The following C12orf75 variants were observed in gnomAD, a reference collection of about 807,000 sequenced individuals.
The protein encoded by C12orf75 is overexpressed in colon carcinoma 1 protein.
Under a neutral mutation model 11.4 loss-of-function variants are expected in C12orf75, and 4 were observed. That is an observed-to-expected ratio of 0.35 (90% CI 0.17 to 0.80). C12orf75 has a LOEUF of 0.80. Among genes scored for constraint, C12orf75 ranks in the 30% least tolerant of loss-of-function variants. The pLI, the probability that C12orf75 is intolerant of heterozygous loss-of-function variation, is 0.52. For synonymous variants in C12orf75, 30 were observed against 30.0 expected, an observed-to-expected ratio of 1.00 and a Z score of 0.00; for missense variants, 89 against 80.4, an observed-to-expected ratio of 1.11 and a Z score of -0.41.
intron 2 of C12orf75, among the ~76,000 whole-genome samples, chr12:105,351,207 A>T (rs1892709707): frequency 6.6e-6 from 1 of 152,152 alleles, no homozygotes; most frequent in Non-Finnish European, 1.5e-5. Context: ...ATGACACTTA[A>T]TTTTTTTATT....
At chr12:105,353,917 T>TA (rs1283902102) in intron 2 of C12orf75, among the ~76,000 whole-genome samples, 7 of 152,226 alleles carry the variant, frequency 4.6e-5, no homozygotes, top group South Asian at 2.1e-4. Flanking sequence ...GAAAAATATT[T>TA]TGGAATGAAA....
chr12:105,348,538 T>G, intron 1 of C12orf75, 64 bp from the exon 2 acceptor site: 1 of 1,144,274 alleles, frequency 8.7e-7, no homozygotes, highest in Non-Finnish European at 1.2e-6. Flanking sequence ...TAATTAGGTA[T>G]TAGACAACAT....
intron 1 of C12orf75, among the ~76,000 whole-genome samples, chr12:105,347,796 G>A (rs1892657662): frequency 1.3e-5 from 2 of 152,214 alleles, no homozygotes; most frequent in South Asian, 2.1e-4. Context: ...GCCAATGGGA[G>A]CAGAGTTAGA....
intron 2 of C12orf75, among the ~76,000 whole-genome samples, chr12:105,348,915 T>G (rs571230822): frequency 1.3e-5 from 2 of 152,338 alleles, no homozygotes; most frequent in African/African-American, 2.4e-5. Context: ...TTTTTTTTCT[T>G]TTAGTTAAAA....
chr12:105,355,002 G>A (rs915167539), intron 2 of C12orf75, among the ~76,000 whole-genome samples: 10 of 151,932 alleles, frequency 6.6e-5, no homozygotes, highest in Non-Finnish European at 1.2e-4. Context: ...TCCCTAGGGA[G>A]TGGGATTTTC....
intron 1 of C12orf75, among the ~76,000 whole-genome samples, chr12:105,339,290 G>A (rs1892536456): frequency 6.6e-6 from 1 of 151,732 alleles, no homozygotes; most frequent in East Asian, 1.9e-4. Context: ...CAAATAAGGA[G>A]TAAGACATTC....
chr12:105,344,745 CAAA>C (rs35185869), intron 1 of C12orf75, among the ~76,000 whole-genome samples: 12 of 102,542 alleles, frequency 1.2e-4, no homozygotes, highest in Admixed American at 1.1e-4. Context: ...GACTCTGTGT[CAAA>C]AAAAAAAAAA....
In C12orf75 at chr12:105,367,415, A is replaced by C. The variant is rs1871505073; in HGVS notation, c.188-57A>C. 7.9e-6 allele frequency: 5 copies of C among 635,016 alleles called. No individual in the cohort carries two copies. The Admixed American group carries it at 1.3e-4, about 16-fold the overall frequency. 39.3% of individuals were successfully genotyped at this position (635,016 alleles called of 1,614,324 possible). A position where few individuals can be genotyped will look rare whatever the true frequency, so the allele number is the denominator to read the frequency against. The stretch of plus-strand genomic sequence containing the variant: ...ATTACTGTTTAATGTTCTATAGAAA[A>C]TTAGAATATGCTATTTATAATCTGA... On this transcript the variant is annotated intron_variant, in intron 4 of 5. Transcript: ENST00000443585.
chr12:105,337,969 G>GA (rs916531112), intron 1 of C12orf75, among the ~76,000 whole-genome samples: 16 of 151,308 alleles, frequency 1.1e-4, no homozygotes, highest in African/African-American at 2.7e-4. Context: ...TAGAGTAAGA[G>GA]AAAAAAAACC....
intron 1 of C12orf75, 121 bp downstream of exon 1, chr12:105,331,058 A>T: frequency 1.6e-6 from 1 of 607,426 alleles, no homozygotes; most frequent in East Asian, 3.6e-5. Context: ...TTTTCGGGAC[A>T]GGAGCAGACC....
chr12:105,333,312 T>C (rs1339894019), intron 1 of C12orf75, among the ~76,000 whole-genome samples: 1 of 152,136 alleles, frequency 6.6e-6, no homozygotes, highest in Non-Finnish European at 1.5e-5. Context: ...TAAAGAAAAA[T>C]AAACCACAAT....
intron 2 of C12orf75, 149 bp downstream of exon 2, chr12:105,348,775 A>C: frequency 2.0e-6 from 1 of 496,100 alleles, no homozygotes; most frequent in Non-Finnish European, 3.5e-6. Context: ...GATCGTTGTA[A>C]CTAAAGTGCT....
At chr12:105,353,246 C>A (rs115640047) in intron 2 of C12orf75, among the ~76,000 whole-genome samples, 2 of 152,216 alleles carry the variant, frequency 1.3e-5, no homozygotes, top group Admixed American at 1.3e-4. Flanking sequence ...CTTTCGTCTT[C>A]ATTCTTAGGC....
Position 105,348,641 on chromosome 12 carries a change from T to C in C12orf75, c.71+15T>C, listed in dbSNP as rs1892671887. On this transcript the variant is annotated intron_variant, in intron 2 of 5. Coordinates refer to ENST00000443585, the MANE Select transcript of C12orf75 (RefSeq NM_001145199.2). ...GCCAAAGATGTGTAAGTATTGAATA[T>C]TAATGATTTTATAAGCTGTCTTTCT... 1 of 1,518,908 alleles carries C rather than the reference T, an allele frequency of 6.6e-7. No individual in the cohort carries two copies. Among genetic ancestry groups the C allele is most frequent in the African/African-American group, 1.4e-5 (1 of 71,916 alleles). The allele number at this position is 1,518,908 out of a possible 1,614,324, so 94.1% of individuals were successfully genotyped here.
intron 1 of C12orf75, among the ~76,000 whole-genome samples, chr12:105,337,575 G>A (rs1208396083): frequency 6.6e-6 from 1 of 152,116 alleles, no homozygotes; most frequent in African/African-American, 2.4e-5. Context: ...CCAGGAAAGG[G>A]TTGGTTCTCA....
At chr12:105,353,794 T>A (rs1313274047) in intron 2 of C12orf75, among the ~76,000 whole-genome samples, 1 of 152,224 alleles carries the variant, frequency 6.6e-6, no homozygotes, top group Non-Finnish European at 1.5e-5. Context: ...AGCTACTCAA[T>A]GTAAACAATG....
At chr12:105,354,705 GT>G (rs66504975) in intron 2 of C12orf75, among the ~76,000 whole-genome samples, 27,494 of 152,128 alleles carry the variant, frequency 0.18, 2,792 homozygotes, top group Non-Finnish European at 0.23. Context: ...ATTCCCATTG[GT>G]AGCCATGATG....
At chr12:105,369,596 C>T (rs1180728269) in intron 5 of C12orf75, among the ~76,000 whole-genome samples, 1 of 152,120 alleles carries the variant, frequency 6.6e-6, no homozygotes, top group African/African-American at 2.4e-5. Flanking sequence ...TGTCCTAATG[C>T]TCTCCCTCCC....
chr12:105,345,701 G>A (rs1431696384), intron 1 of C12orf75, among the ~76,000 whole-genome samples: 6 of 106,022 alleles, frequency 5.7e-5, no homozygotes, highest in Non-Finnish European at 8.6e-5. Flanking sequence ...TTGCTCTGTT[G>A]CCCAGGCTGG....
Sources: gnomAD v4.1 joint callset for allele counts (sites outside exome capture counted in the v4.1 genomes callset) on GRCh38, gnomAD v4.1.1 for gene constraint, MANE v1.5 for transcripts, NCBI Gene and HGNC (gene_info 2026-07-23, HGNC 2026-07-21) for gene names.